Variants in WT1 observed in about 807,000 individuals in gnomAD.
The protein encoded by WT1 is WT1 transcription factor.
Under a neutral mutation model 60.8 loss-of-function variants are expected in WT1, and 8 were observed. That is an observed-to-expected ratio of 0.13 (90% CI 0.08 to 0.24). The LOEUF (loss-of-function observed/expected upper bound fraction) is 0.24, where lower values mean the gene tolerates loss of function less well. WT1 is among the 10% of genes least tolerant of loss of function. The probability of loss-of-function intolerance (pLI) is 1.00; values close to 1 mark genes in which losing one functional copy is unlikely to be tolerated. For missense variants in WT1, 568 were observed against 711.8 expected (o/e 0.80, Z 2.30); for synonymous variants, 312 against 297.1 (o/e 1.05, Z -0.52).
chr11:32,391,003 G>A (rs5030300), intron 9 of WT1, among the ~76,000 whole-genome samples: 1 of 151,822 alleles, frequency 6.6e-6, no homozygotes, highest in Non-Finnish European at 1.5e-5. Flanking sequence ...TTTTGAGACA[G>A]GGTCTTGCTC....
rs1433846737 is a variant in WT1, at chr11:32,388,203, CCATATACCAG to C, written c.*845_*854del. On this transcript the variant is annotated 3_prime_UTR_variant, in exon 10 of 10. Transcript: ENST00000452863. ...TCACTTTCATTTTTACAACTTGAAGCCATATACCAGCATGGTTTTTATACACTAAGGACAC... is the reference window on the plus strand; with the variant it reads ...TCACTTTCATTTTTACAACTTGAAGCCATGGTTTTTATACACTAAGGACAC... 1 of 233,572 alleles carries C rather than the reference CCATATACCAG, an allele frequency of 4.3e-6. No individual in the cohort carries two copies. The highest frequency in any genetic ancestry group is 5.6e-5 in the Admixed American group (1 of 17,760). 14.5% of individuals were successfully genotyped at this position (233,572 alleles called of 1,614,324 possible).
At chr11:32,393,931 T>G (rs1425529293) in intron 7 of WT1, among the ~76,000 whole-genome samples, 1 of 152,236 alleles carries the variant, frequency 6.6e-6, no homozygotes, top group Non-Finnish European at 1.5e-5. Context: ...CTCTCTCTGT[T>G]GCCCAGACTA....
At position 32,428,188 on chromosome 11, in the gene WT1, G is replaced by A. The variant is rs950367638; in HGVS notation, c.785-130C>T. 3.4e-5 allele frequency: 32 copies of A among 932,184 alleles called. No homozygotes were observed. The East Asian group carries it at 8.2e-4, about 24-fold the overall frequency. The allele number at this position is 932,184 out of a possible 1,614,324, so 57.7% of individuals were successfully genotyped here. A position where few individuals can be genotyped will look rare whatever the true frequency, so the allele number is the denominator to read the frequency against. On this transcript the variant is annotated intron_variant, in intron 2 of 9. Transcript: ENST00000452863. The stretch of plus-strand genomic sequence containing the variant: ...CTGGGGCCTGGATGAGCGGCGTGCA[G>A]AGCGAGGCCGTCCAGAATGCAAGAA...
At chr11:32,426,405 A>T (rs998170751) in intron 3 of WT1, among the ~76,000 whole-genome samples, 4 of 152,230 alleles carry the variant, frequency 2.6e-5, no homozygotes, top group Admixed American at 6.5e-5. Context: ...CCCCGCTGCC[A>T]GTTTTGCTAG....
intron 6 of WT1, among the ~76,000 whole-genome samples, chr11:32,397,044 A>G (rs539700136): frequency 8.5e-5 from 13 of 152,382 alleles, no homozygotes; most frequent in Non-Finnish European, 1.2e-4. Flanking sequence ...ACTGGAATCC[A>G]TCTGCCTTCT....
Position 32,388,865 on chromosome 11 carries a change from G to T in WT1, c.*193C>A. ...TCCAGGGCCTGTGAGTCAACTAAAA[G>T]TAGGCAGGGCAGAGACCAACTCTTC... On this transcript the variant is annotated 3_prime_UTR_variant, in exon 10 of 10. Coordinates refer to ENST00000452863, the MANE Select transcript of WT1 (RefSeq NM_024426.6). 2.1e-6 allele frequency: 2 copies of T among 958,820 alleles called. No homozygotes were observed. Among genetic ancestry groups the T allele is most frequent in the South Asian group, 1.7e-5 (1 of 59,156 alleles). 59.4% of individuals were successfully genotyped at this position (958,820 alleles called of 1,614,324 possible). A position where few individuals can be genotyped will look rare whatever the true frequency, so the allele number is the denominator to read the frequency against.
At chr11:32,411,523 T>C (rs1852498333) in intron 5 of WT1, among the ~76,000 whole-genome samples, 1 of 152,252 alleles carries the variant, frequency 6.6e-6, no homozygotes, top group Admixed American at 6.5e-5. Flanking sequence ...AACATCATTA[T>C]CATCATAGTT....
chr11:32,435,275 C>A lies in WT1; in HGVS notation c.86G>T (p.Cys29Phe). The A allele has an allele frequency of 6.5e-7, 1 of 1,534,542 alleles. No individual in the cohort carries two copies. The highest frequency in any genetic ancestry group is 8.7e-7 in the Non-Finnish European group (1 of 1,146,866). ...TCCCTGCTGCTCTGGCTGCTGTAGGCACCCAGGCCCGGAGCGGAGCGTGTG... is the reference window on the plus strand; with the variant it reads ...TCCCTGCTGCTCTGGCTGCTGTAGGAACCCAGGCCCGGAGCGGAGCGTGTG... Residue 29 changes from cysteine (C) to phenylalanine (F), a missense_variant, in exon 1 of 10, where the codon TGC becomes TTC. Cys to Phe is a radical substitution (Grantham distance 205). Coordinates refer to ENST00000452863, the MANE Select transcript of WT1 (RefSeq NM_024426.6).
intron 5 of WT1, 74 bp from the exon 6 acceptor site, chr11:32,400,118 G>T: frequency 6.5e-7 from 1 of 1,540,320 alleles, no homozygotes; most frequent in Non-Finnish European, 8.9e-7. Context: ...TCTGCAATCA[G>T]GAGGGAATGA....
chr11:32,426,106 G>C (rs1853026525), intron 3 of WT1, among the ~76,000 whole-genome samples: 1 of 152,150 alleles, frequency 6.6e-6, no homozygotes, highest in Admixed American at 6.5e-5. Flanking sequence ...GGAGAGGGAA[G>C]TAACGGATGT....
At chr11:32,433,395 G>A (rs1413326783) in intron 1 of WT1, among the ~76,000 whole-genome samples, 2 of 152,250 alleles carry the variant, frequency 1.3e-5, no homozygotes, top group Non-Finnish European at 2.9e-5. Flanking sequence ...GTTAGGCTAA[G>A]GTAGGAGCGG....
intron 9 of WT1, among the ~76,000 whole-genome samples, chr11:32,390,371 C>A (rs1300437525): frequency 3.9e-5 from 6 of 152,154 alleles, no homozygotes; most frequent in Non-Finnish European, 8.8e-5. Context: ...TCATGTCACA[C>A]TTACTTGGGG....
Position 32,388,485 on chromosome 11 carries a change from T to C in WT1, c.*573A>G, listed in dbSNP as rs1851724801. Reference sequence around the variant, plus strand: ...CTTCAGCTGCTTGAAATGCATGAGCTTTAAAAGTTGCCTGGCAGAACTACA... The same window carrying C: ...CTTCAGCTGCTTGAAATGCATGAGCCTTAAAAGTTGCCTGGCAGAACTACA... On this transcript the variant is annotated 3_prime_UTR_variant, in exon 10 of 10. Transcript: ENST00000452863. 1 of 239,738 alleles carries C rather than the reference T, an allele frequency of 4.2e-6. No individual in the cohort carries two copies. Among genetic ancestry groups the C allele is most frequent in the Non-Finnish European group, 8.2e-6 (1 of 121,324 alleles). The allele number at this position is 239,738 out of a possible 1,614,324, so 14.9% of individuals were successfully genotyped here.
intron 6 of WT1, among the ~76,000 whole-genome samples, chr11:32,397,841 G>A (rs1006071723): frequency 6.6e-6 from 1 of 152,152 alleles, no homozygotes; most frequent in African/African-American, 2.4e-5. Context: ...GGATAATGAA[G>A]GCATAAAATT....
chr11:32,428,425 A>C, intron 2 of WT1, 72 bp downstream of exon 2: 7 of 1,593,184 alleles, frequency 4.4e-6, no homozygotes, highest in Non-Finnish European at 6.0e-6. Context: ...GCTGTGGGTT[A>C]GGAATTCCTG....
At chr11:32,413,902 A>G (rs922877769) in intron 5 of WT1, among the ~76,000 whole-genome samples, 5 of 152,270 alleles carry the variant, frequency 3.3e-5, no homozygotes, top group African/African-American at 1.2e-4. Flanking sequence ...CTCACTTACT[A>G]TGTGACCTTG....
chr11:32,394,099 T>C (rs771940928), intron 7 of WT1, among the ~76,000 whole-genome samples: 1 of 152,184 alleles, frequency 6.6e-6, no homozygotes, highest in Non-Finnish European at 1.5e-5. Flanking sequence ...GGTCTCACTA[T>C]ATTGCCCAGG....
intron 3 of WT1, among the ~76,000 whole-genome samples, chr11:32,422,576 T>C (rs934213378): frequency 2.0e-5 from 3 of 152,272 alleles, no homozygotes; most frequent in African/African-American, 7.2e-5. Flanking sequence ...CTGTCTATGT[T>C]GAAGGCCAAC....
chr11:32,390,495 G>A (rs1036346163), intron 9 of WT1, among the ~76,000 whole-genome samples: 3 of 152,184 alleles, frequency 2.0e-5, no homozygotes, highest in Non-Finnish European at 4.4e-5. Context: ...ATCCCATCCT[G>A]CCAACCATGG....
Sources: gnomAD v4.1 joint callset for allele counts (sites outside exome capture counted in the v4.1 genomes callset) on GRCh38, gnomAD v4.1.1 for gene constraint, MANE v1.5 for transcripts, NCBI Gene and HGNC (gene_info 2026-07-23, HGNC 2026-07-21) for gene names.